The following BBS9 variants were observed in gnomAD, a reference collection of about 807,000 sequenced individuals.
BBS9 encodes protein PTHB1.
A neutral mutation model predicts 117.7 loss-of-function variants in BBS9; 89 were observed. The ratio of observed to expected loss-of-function variants is 0.76; its 90% confidence interval spans 0.64 to 0.90. The LOEUF (loss-of-function observed/expected upper bound fraction) is 0.90. BBS9 is among the 40% of genes least tolerant of loss of function. The pLI is 0.00. For synonymous variants in BBS9, 379 were observed against 370.9 expected (o/e 1.02, Z -0.25); for missense variants, 982 against 1,042.2 (o/e 0.94, Z 0.80).
intron 17 of BBS9, 51 bp from the exon 18 acceptor site, chr7:33,383,615 A>G (rs761282784): frequency 2.7e-6 from 4 of 1,479,722 alleles, no homozygotes; most frequent in Non-Finnish European, 2.8e-6. Flanking sequence ...ATGTAGCTTT[A>G]TCTAGTAATT....
At chr7:33,399,480 C>T (rs572920142) in intron 19 of BBS9, among the ~76,000 whole-genome samples, 1 of 152,324 alleles carries the variant, frequency 6.6e-6, no homozygotes, top group Admixed American at 6.5e-5. Flanking sequence ...GGGCATATCA[C>T]GTCATCTCTC....
chr7:33,145,823 C>A (rs1471222726), intron 1 of BBS9, among the ~76,000 whole-genome samples: 4 of 152,162 alleles, frequency 2.6e-5, no homozygotes, highest in Non-Finnish European at 4.4e-5. Flanking sequence ...TGGAACCAAT[C>A]TTCCACAGGT....
At chr7:33,362,129 A>G (rs11970889) in intron 16 of BBS9, among the ~76,000 whole-genome samples, 1,587 of 152,186 alleles carry the variant, frequency 0.01, 30 homozygotes, top group African/African-American at 0.036. Context: ...ATAAAATGGA[A>G]CTATATAGTA....
intron 21 of BBS9, among the ~76,000 whole-genome samples, chr7:33,597,100 C>T (rs1862970132): frequency 6.7e-6 from 1 of 149,426 alleles, no homozygotes; most frequent in South Asian, 2.1e-4. Context: ...CACACACACA[C>T]ACACACACAC....
intron 6 of BBS9, among the ~76,000 whole-genome samples, chr7:33,260,025 A>C (rs1797714802): frequency 7.3e-6 from 1 of 136,364 alleles, no homozygotes; most frequent in Non-Finnish European, 1.5e-5. Context: ...TTTGAGACTG[A>C]GTCTTGCTCT....
At chr7:33,311,655 G>C (rs1584257416) in intron 9 of BBS9, among the ~76,000 whole-genome samples, 1 of 151,990 alleles carries the variant, frequency 6.6e-6, no homozygotes, top group South Asian at 2.1e-4. Context: ...CGTCTCTACT[G>C]AAAATACAAA....
intron 11 of BBS9, among the ~76,000 whole-genome samples, chr7:33,344,332 G>T (rs1817195130): frequency 6.6e-6 from 1 of 151,862 alleles, no homozygotes; most frequent in Admixed American, 6.6e-5. Context: ...GCCTCCCAAA[G>T]TGCTGGGATT....
chr7:33,377,963 T>G (rs1211647667), intron 17 of BBS9, among the ~76,000 whole-genome samples: 2 of 152,186 alleles, frequency 1.3e-5, no homozygotes, highest in East Asian at 3.8e-4. Flanking sequence ...CCTAAAATAG[T>G]ACTGTAGTAT....
chr7:33,243,547 A>G (rs1794872292), intron 5 of BBS9, among the ~76,000 whole-genome samples: 1 of 152,198 alleles, frequency 6.6e-6, no homozygotes, highest in African/African-American at 2.4e-5. Flanking sequence ...CTCTTAGAGT[A>G]GTGAGATTTT....
intron 6 of BBS9, 69 bp from the exon 7 acceptor site, chr7:33,264,221 A>T: frequency 1.2e-6 from 1 of 818,570 alleles, no homozygotes. Flanking sequence ...GTGTACTTTT[A>T]AAGTTTAAAA....
intron 19 of BBS9, among the ~76,000 whole-genome samples, chr7:33,411,133 A>G (rs1226915753): frequency 6.6e-6 from 1 of 151,636 alleles, no homozygotes; most frequent in Non-Finnish European, 1.5e-5. Context: ...TGCCTGGAAC[A>G]TGTGGATAAG....
chr7:33,598,748 T>C (rs570522309), intron 21 of BBS9, among the ~76,000 whole-genome samples: 290 of 152,314 alleles, frequency 1.9e-3, no homozygotes, highest in African/African-American at 4.5e-3. Flanking sequence ...TTCAAACTTA[T>C]GATAATAACA....
At chr7:33,285,452 G>A (rs866295733) in intron 9 of BBS9, among the ~76,000 whole-genome samples, 1 of 152,010 alleles carries the variant, frequency 6.6e-6, no homozygotes, top group African/African-American at 2.4e-5. Context: ...TCTTACTATT[G>A]GTACCTCAGT....
chr7:33,569,764 A>AAAAAT (rs756903304), intron 21 of BBS9, among the ~76,000 whole-genome samples: 2 of 152,314 alleles, frequency 1.3e-5, no homozygotes, highest in Middle Eastern at 3.4e-3. Context: ...TCCGTTTCAA[A>AAAAAT]AAAATAAAAT....
chr7:33,468,677 C>G (rs1360598407), intron 19 of BBS9, among the ~76,000 whole-genome samples: 1 of 152,122 alleles, frequency 6.6e-6, no homozygotes, highest in Non-Finnish European at 1.5e-5. Flanking sequence ...CTATGCTTTC[C>G]AGCCTCTGAT....
chr7:33,475,308 C>G (rs1253566529), intron 19 of BBS9, among the ~76,000 whole-genome samples: 1 of 152,194 alleles, frequency 6.6e-6, no homozygotes, highest in African/African-American at 2.4e-5. Context: ...AGTTTGCTAA[C>G]CCCTGGAACC....
At chr7:33,468,210 T>C (rs1225375156) in intron 19 of BBS9, among the ~76,000 whole-genome samples, 1 of 152,136 alleles carries the variant, frequency 6.6e-6, no homozygotes, top group Non-Finnish European at 1.5e-5. Context: ...CTAGAATTAA[T>C]GAAGGCCGTG....
At chr7:33,216,817 C>T (rs7809399) in intron 5 of BBS9, among the ~76,000 whole-genome samples, 15,624 of 152,090 alleles carry the variant, frequency 0.1, 1,008 homozygotes, top group East Asian at 0.34. Flanking sequence ...GTTAACCAGC[C>T]GGGCGTGGTG....
chr7:33,603,965 C>A (rs1176214280), intron 21 of BBS9, among the ~76,000 whole-genome samples: 1 of 152,254 alleles, frequency 6.6e-6, no homozygotes, highest in Admixed American at 6.5e-5. Context: ...TCTCTTTCCT[C>A]AGAATGATGT....
Sources: allele counts gnomAD v4.1 joint callset (sites outside exome capture counted in the v4.1 genomes callset), GRCh38; gene constraint gnomAD v4.1.1; transcripts MANE v1.5; gene names NCBI Gene and HGNC (gene_info 2026-07-23, HGNC 2026-07-21).